The following GET3 variants were observed in gnomAD, a reference collection of about 807,000 sequenced individuals.
GET3 encodes guided entry of tail-anchored proteins factor 3, ATPase, also known as ATPase GET3.
A neutral mutation model predicts 32.4 loss-of-function variants in GET3; 15 were observed. The observed-to-expected ratio is 0.46, with a 90% CI of 0.31 to 0.71. GET3 has a LOEUF of 0.71. Among genes scored for constraint, GET3 ranks in the 30% least tolerant of loss-of-function variants. The pLI is 0.05. For missense variants in GET3, 333 were observed against 459.0 expected (o/e 0.73, Z 2.51); for synonymous variants, 198 against 185.6 (o/e 1.07, Z -0.54).
chr19:12,743,722 CTTTTTTT>C (rs776785337), intron 2 of GET3, among the ~76,000 whole-genome samples: 14 of 70,406 alleles, frequency 2.0e-4, no homozygotes, highest in East Asian at 1.8e-3. Context: ...GACTCCATCT[CTTTTTTT>C]TTTTTTTTTT....
chr19:12,738,727 C>A, intron 2 of GET3, 69 bp downstream of exon 2: 2 of 1,585,592 alleles, frequency 1.3e-6, no homozygotes, highest in South Asian at 1.1e-5. Flanking sequence ...TGCGCACACA[C>A]CAGCAGCCAC....
intron 2 of GET3, among the ~76,000 whole-genome samples, chr19:12,742,694 G>A (rs895059854): frequency 2.0e-5 from 3 of 151,966 alleles, no homozygotes; most frequent in Admixed American, 6.6e-5. Flanking sequence ...GATTACAGGC[G>A]TGAGCCACCG....
At chr19:12,737,688 C>G in intron 1 of GET3, 22 bp downstream of exon 1, 1 of 1,598,710 alleles carries the variant, frequency 6.3e-7, no homozygotes, top group South Asian at 1.1e-5. Context: ...GCGGCGGGGG[C>G]CAGGAGGCGT....
Position 12,747,196 on chromosome 19 carries a change from G to C in GET3, c.610-1G>C, listed in dbSNP as rs893309237. 6.3e-7 allele frequency: 1 copy of C among 1,592,422 alleles called. No homozygotes were observed. Among genetic ancestry groups the C allele is most frequent in the Non-Finnish European group, 8.6e-7 (1 of 1,168,682 alleles). ...TGAGCCCTCCCACATCCCCCCTGCAGATGTGCAACATGCTGGGCCTGGGGG... is the reference window on the plus strand; with the variant it reads ...TGAGCCCTCCCACATCCCCCCTGCACATGTGCAACATGCTGGGCCTGGGGG... On this transcript the variant is annotated splice_acceptor_variant, in intron 4 of 6. Transcript: ENST00000357332. LOFTEE classifies it high-confidence loss of function. The surrounding 1 kb of genome is among the most constrained non-coding windows in gnomAD (Gnocchi z 4.0).
chr19:12,738,727 C>T (rs1967615424), intron 2 of GET3, 69 bp downstream of exon 2: 2 of 1,585,592 alleles, frequency 1.3e-6, no homozygotes, highest in African/African-American at 2.7e-5. Flanking sequence ...TGCGCACACA[C>T]CAGCAGCCAC....
intron 2 of GET3, among the ~76,000 whole-genome samples, chr19:12,742,230 TC>T (rs912381842): frequency 2.1e-5 from 3 of 146,090 alleles, no homozygotes; most frequent in Non-Finnish European, 4.5e-5. Context: ...TGAGATGGTA[TC>T]TTTTTTTTTT....
upstream of GET3, chr19:12,737,279 G>A: frequency 1.8e-6 from 1 of 542,844 alleles, no homozygotes; most frequent in Non-Finnish European, 3.1e-6. Flanking sequence ...AGACCGTACC[G>A]ATGTGTTCAT....
intron 2 of GET3, 130 bp downstream of exon 2, chr19:12,738,788 C>T: frequency 8.1e-7 from 1 of 1,230,330 alleles, no homozygotes. Context: ...ACTCCTTCCT[C>T]AACATACTCA....
intron 4 of GET3, among the ~76,000 whole-genome samples, chr19:12,746,198 T>C (rs8177488): frequency 0.026 from 4,008 of 152,248 alleles, 172 homozygotes; most frequent in African/African-American, 0.09. Context: ...AGTGGTGCGA[T>C]CTTGGCTCAT....
In GET3 at chr19:12,737,713, T is replaced by C. The variant is rs763504374; in HGVS notation, c.161+47T>C. The C allele has an allele frequency of 1.2e-5, 18 of 1,550,798 alleles. No individual in the cohort carries two copies. The Middle Eastern group carries it at 6.7e-4, about 57-fold the overall frequency. On this transcript the variant is annotated intron_variant, in intron 1 of 6. Transcript: ENST00000357332. ...CCAGGAGGCGTGTAGGATATACCAC[T>C]GGGCGAAGGGGAGGCCAAGGACCGG... is the stretch of plus-strand genomic sequence containing the variant.
chr19:12,742,900 G>C (rs1967696668), intron 2 of GET3, among the ~76,000 whole-genome samples: 1 of 152,186 alleles, frequency 6.6e-6, no homozygotes, highest in African/African-American at 2.4e-5. Context: ...CCAGAGTGGG[G>C]GATTTTGCCA....
At chr19:12,737,347 A>G (rs1283016857), upstream of GET3, 6 of 1,092,400 alleles carry the variant, frequency 5.5e-6, no homozygotes, top group African/African-American at 6.5e-5. Context: ...TGAACCCTGG[A>G]AGCAAAGAAT....
chr19:12,737,601 C>G lies in GET3; in HGVS notation c.96C>G (p.Ile32Met). Reference sequence around the variant, plus strand: ...TGGAGCCTACACTTAGCAACATCATCGAGCAGCGCAGCCTGAAGTGGATCT... The same window carrying G: ...TGGAGCCTACACTTAGCAACATCATGGAGCAGCGCAGCCTGAAGTGGATCT... ...EPLEPTLSNI[I>M]EQRSLKWIFV... The change falls in exon 1 of 7, where the codon ATC (isoleucine) becomes ATG (methionine). Residue 32 changes from isoleucine to methionine, a missense_variant. This residue lies in a region of GET3 where 230 missense variants were observed against 389.2 expected (regional missense o/e 0.59). Coordinates refer to ENST00000357332, the MANE Select transcript of GET3 (RefSeq NM_004317.4). 1 of 1,612,032 alleles carries G rather than the reference C, an allele frequency of 6.2e-7. No individual in the cohort carries two copies. Among genetic ancestry groups the G allele is most frequent in the Non-Finnish European group, 8.5e-7 (1 of 1,179,302 alleles).
chr19:12,743,618 G>T (rs1398320602), intron 2 of GET3, among the ~76,000 whole-genome samples: 1 of 150,210 alleles, frequency 6.7e-6, no homozygotes, highest in African/African-American at 2.4e-5. Flanking sequence ...GTGAAACCCC[G>T]TCTCTACTAA....
intron 2 of GET3, among the ~76,000 whole-genome samples, chr19:12,742,531 C>G (rs912437130): frequency 6.6e-6 from 1 of 152,142 alleles, no homozygotes; most frequent in African/African-American, 2.4e-5. Context: ...TCTCCTGCCT[C>G]AGCCTCCCGA....
At chr19:12,744,089 G>C (rs1183808787) in intron 2 of GET3, among the ~76,000 whole-genome samples, 1 of 148,826 alleles carries the variant, frequency 6.7e-6, no homozygotes, top group Non-Finnish European at 1.5e-5. Context: ...GGTGGGGCAT[G>C]CCTATAGTCT....
At position 12,747,246 on chromosome 19, in the gene GET3, C is replaced by T; in HGVS notation, c.659C>T (p.Ser220Phe). ...LGDMNADQLA[S>F]KLEETLPVIR... is the part of the protein sequence containing the mutation. The stretch of plus-strand genomic sequence containing the variant: ...GACATGAACGCAGACCAGCTGGCCT[C>T]CAAGCTGGAGGAGACGCTGCCCGTC... The change falls in exon 5 of 7, where the codon TCC (serine) becomes TTC (phenylalanine). Residue 220 changes from serine (S) to phenylalanine (F), a missense_variant. Transcript: ENST00000357332. The surrounding 1 kb of genome is among the most constrained non-coding windows in gnomAD (Gnocchi z 4.0). 2.5e-6 allele frequency: 4 copies of T among 1,612,182 alleles called. No individual in the cohort carries two copies. Among genetic ancestry groups the T allele is most frequent in the Non-Finnish European group, 3.4e-6 (4 of 1,178,946 alleles).
chr19:12,742,476 G>A (rs1022162471), intron 2 of GET3, among the ~76,000 whole-genome samples: 5 of 151,842 alleles, frequency 3.3e-5, no homozygotes, highest in East Asian at 1.9e-4. Context: ...GTGCAGTGGC[G>A]CAATCTCGGT....
chr19:12,738,389 C>G (rs2031725545), intron 1 of GET3, 122 bp from the exon 2 acceptor site: 3 of 1,239,094 alleles, frequency 2.4e-6, no homozygotes, highest in East Asian at 2.4e-5. Context: ...AACCCATACT[C>G]TCCTCTCAAG....
Sources: allele counts gnomAD v4.1 joint callset (sites outside exome capture counted in the v4.1 genomes callset), GRCh38; gene constraint gnomAD v4.1.1; regional missense constraint gnomAD v4.1.1; non-coding constraint Gnocchi (gnomAD v3.1); transcripts MANE v1.5; gene names NCBI Gene and HGNC (gene_info 2026-07-23, HGNC 2026-07-21).